TMEM117: variants seen among roughly 807,000 people sequenced by gnomAD.
TMEM117 encodes transmembrane protein 117.
A neutral mutation model predicts 52.4 loss-of-function variants in TMEM117; 27 were observed. The observed-to-expected ratio is 0.51, with a 90% CI of 0.38 to 0.71. The LOEUF (loss-of-function observed/expected upper bound fraction) is 0.71. Ranked by LOEUF, TMEM117 falls within the 30% of genes least tolerant of loss-of-function variation. TMEM117 has a pLI of 0.00. For synonymous variants in TMEM117, 215 were observed against 206.3 expected, an observed-to-expected ratio of 1.04 and a Z score of -0.36; for missense variants, 556 against 630.5, an observed-to-expected ratio of 0.88 and a Z score of 1.26.
At chr12:44,058,473 C>T (rs2137946964) in intron 3 of TMEM117, among the ~76,000 whole-genome samples, 1 of 152,212 alleles carries the variant, frequency 6.6e-6, no homozygotes, top group Non-Finnish European at 1.5e-5. Flanking sequence ...TATTTTTCTT[C>T]AATATCCATT....
At chr12:44,393,876 A>G (rs1203797328), downstream of TMEM117, among the ~76,000 whole-genome samples, 1 of 152,200 alleles carries the variant, frequency 6.6e-6, no homozygotes, top group Non-Finnish European at 1.5e-5. Flanking sequence ...ACATTTTTAA[A>G]ACCACAACAC....
chr12:43,915,417 T>C (rs1357292411), intron 2 of TMEM117, among the ~76,000 whole-genome samples: 1 of 152,186 alleles, frequency 6.6e-6, no homozygotes, highest in Non-Finnish European at 1.5e-5. Flanking sequence ...GGTTATTTTG[T>C]TTCTAGAGCT....
rs764839200 is a variant in TMEM117 at position 43,944,221 on chromosome 12, C to T, written c.289C>T (p.Arg97Ter). The T allele has an allele frequency of 1.4e-5, 22 of 1,609,998 alleles. No homozygotes were observed. Among genetic ancestry groups the T allele is most frequent in the African/African-American group, 2.7e-5 (2 of 74,736 alleles). The change falls in exon 3 of 8, where the codon CGA becomes TGA. Residue 97 changes from arginine to a stop codon, truncating the protein, a stop_gained. Transcript: ENST00000266534. LOFTEE classifies it high-confidence loss of function. Reference protein sequence around the residue: ...FHQRLFGQLLRLKMFREDHGS... With the variant: ...FHQRLFGQLL ...TATTTGTATTTCAGGTCAGTTGCTC[C>T]GATTAAAAATGTTTCGAGAAGATCA...
chr12:44,325,790 A>C (rs1192707612), intron 6 of TMEM117, among the ~76,000 whole-genome samples: 1 of 152,178 alleles, frequency 6.6e-6, no homozygotes, highest in East Asian at 1.9e-4. Context: ...GGGTGTGTCC[A>C]TGCGTGTATA....
intron 6 of TMEM117, among the ~76,000 whole-genome samples, chr12:44,365,324 T>C (rs1951775711): frequency 2.0e-5 from 3 of 152,106 alleles, no homozygotes; most frequent in South Asian, 4.1e-4. Context: ...CAAGATCAGC[T>C]GCAACATACC....
At chr12:44,373,217 C>T (rs557855498) in intron 6 of TMEM117, among the ~76,000 whole-genome samples, 1 of 152,364 alleles carries the variant, frequency 6.6e-6, no homozygotes, top group South Asian at 2.1e-4. Context: ...GTCTTTCACA[C>T]ACAGTGTGAC....
chr12:43,923,753 G>A (rs1944732396), intron 2 of TMEM117, among the ~76,000 whole-genome samples: 1 of 152,062 alleles, frequency 6.6e-6, no homozygotes, highest in African/African-American at 2.4e-5. Context: ...TTTTTACAGA[G>A]TCATGTAAAA....
chr12:43,995,256 T>TAA (rs748844343), intron 3 of TMEM117, among the ~76,000 whole-genome samples: 1 of 123,306 alleles, frequency 8.1e-6, no homozygotes. Context: ...GGCTCTGTCT[T>TAA]AAAAAAAAAA....
chr12:43,813,231 G>GTTTTTTTTTTTTTTTTTTTTTTTTTTT, the TMEM117 span, among the ~76,000 whole-genome samples: 10 of 62,666 alleles, frequency 1.6e-4, 2 homozygotes, highest in Non-Finnish European at 2.9e-4. Context: ...GTTTTCTCTT[G>GTTTTTTTTTTTTTTTTTTTTTTTTTTT]TTTTTTTTTT....
chr12:44,268,422 A>T (rs530806703), intron 5 of TMEM117, among the ~76,000 whole-genome samples: 1 of 151,904 alleles, frequency 6.6e-6, no homozygotes, highest in African/African-American at 2.4e-5. Flanking sequence ...GGGATTACAG[A>T]CATGAGCCAC....
chr12:44,344,313 G>A (rs1299207662), intron 6 of TMEM117, among the ~76,000 whole-genome samples: 1 of 152,066 alleles, frequency 6.6e-6, no homozygotes, highest in Non-Finnish European at 1.5e-5. Flanking sequence ...AGACACCCAG[G>A]GCTAGCTTTA....
At chr12:43,965,526 G>C (rs1945470103) in intron 3 of TMEM117, among the ~76,000 whole-genome samples, 1 of 152,188 alleles carries the variant, frequency 6.6e-6, no homozygotes, top group African/African-American at 2.4e-5. Flanking sequence ...AGGTTCAAGA[G>C]GGAGTCAAAA....
intron 2 of TMEM117, among the ~76,000 whole-genome samples, chr12:43,928,111 T>G (rs962595907): frequency 3.9e-5 from 6 of 152,042 alleles, no homozygotes; most frequent in Non-Finnish European, 7.4e-5. Context: ...TACTTTACTA[T>G]GTATATTTAA....
chr12:43,886,147 G>T (rs1207780673), intron 2 of TMEM117, among the ~76,000 whole-genome samples: 2 of 152,146 alleles, frequency 1.3e-5, no homozygotes, highest in African/African-American at 4.8e-5. Flanking sequence ...GCAGCAGAAA[G>T]AAGGATTAAT....
intron 4 of TMEM117, among the ~76,000 whole-genome samples, chr12:44,192,788 A>G (rs979145056): frequency 2.6e-5 from 4 of 152,190 alleles, no homozygotes; most frequent in African/African-American, 9.7e-5. Flanking sequence ...GTACTGTGAC[A>G]CTGAACCAGC....
intron 5 of TMEM117, among the ~76,000 whole-genome samples, chr12:44,255,255 A>G (rs966698705): frequency 2.6e-5 from 4 of 152,144 alleles, no homozygotes; most frequent in Admixed American, 6.6e-5. Flanking sequence ...CAATGGTTGA[A>G]CTAGTTTACA....
chr12:44,244,389 T>A (rs998337125), intron 5 of TMEM117: 2 of 152,010 alleles, frequency 1.3e-5, no homozygotes, highest in Non-Finnish European at 2.9e-5. Context: ...TGAGCATTTT[T>A]TTTGTCTATC....
the TMEM117 span, among the ~76,000 whole-genome samples, chr12:43,829,868 T>C: frequency 6.6e-6 from 1 of 151,982 alleles, no homozygotes; most frequent in Non-Finnish European, 1.5e-5. Context: ...GGCAGGTGGC[T>C]CACGAGGTCA....
intron 3 of TMEM117, among the ~76,000 whole-genome samples, chr12:44,062,165 A>C (rs556257742): frequency 6.6e-6 from 1 of 152,344 alleles, no homozygotes; most frequent in South Asian, 2.1e-4. Flanking sequence ...ACAATGAATA[A>C]AATGATTGCC....
Sources: allele counts gnomAD v4.1 joint callset (sites outside exome capture counted in the v4.1 genomes callset), GRCh38; gene constraint gnomAD v4.1.1; transcripts MANE v1.5; gene names NCBI Gene and HGNC (gene_info 2026-07-23, HGNC 2026-07-21).